ATG12: variants seen among roughly 807,000 people sequenced by gnomAD.
ATG12 encodes the protein ubiquitin-like protein ATG12.
Under a neutral mutation model 17.6 loss-of-function variants are expected in ATG12, and 19 were observed. The ratio of observed to expected loss-of-function variants is 1.08; its 90% confidence interval spans 0.75 to 1.58. ATG12 has a LOEUF of 1.58. Among genes scored for constraint, ATG12 ranks in the 40% most tolerant of loss-of-function variants. The pLI is 0.00. For synonymous variants in ATG12, 75 were observed against 62.4 expected (o/e 1.20, Z -0.95); for missense variants, 214 against 162.0 (o/e 1.32, Z -1.74).
rs979514765 is a variant in ATG12, at chr5:115,830,061, G to A, written c.*1743C>T. On this transcript the variant is annotated 3_prime_UTR_variant, in exon 4 of 4. Transcript: ENST00000509910. ...GAACCCGGGAGGTAGAGGTTGCAAT[G>A]AGCCAAGATTGTGCCATTACAGTCC... 1 of 145,994 alleles carries A rather than the reference G, an allele frequency of 6.8e-6. No homozygotes were observed. Among genetic ancestry groups the A allele is most frequent in the African/African-American group, 2.5e-5 (1 of 39,224 alleles). 9.0% of individuals were successfully genotyped at this position (145,994 alleles called of 1,614,324 possible).
In ATG12 at chr5:115,828,670, C is replaced by T. The variant is rs752453375; in HGVS notation, c.*3134G>A. The T allele has an allele frequency of 9.9e-5, 15 of 152,100 alleles. No homozygotes were observed. The highest frequency in any genetic ancestry group is 2.2e-4 in the Non-Finnish European group (15 of 67,982). 9.4% of individuals were successfully genotyped at this position (152,100 alleles called of 1,614,324 possible). A position where few individuals can be genotyped will look rare whatever the true frequency, so the allele number is the denominator to read the frequency against. On this transcript the variant is annotated 3_prime_UTR_variant, in exon 4 of 4. Transcript: ENST00000509910. ...CTGCTGTACAAAAACTTAAACTATA[C>T]AAAATTTCCTTTGTTTTTAGCTGTC...
intron 3 of ATG12, among the ~76,000 whole-genome samples, chr5:115,832,196 G>C (rs1428590708): frequency 2.0e-5 from 3 of 152,036 alleles, no homozygotes; most frequent in Non-Finnish European, 4.4e-5. Flanking sequence ...CTATTACAAT[G>C]ACTCTGTAAG....
rs74844425 is a variant in ATG12 at position 115,841,510 on chromosome 5, T to C, written c.43A>G (p.Ile15Val). 0.02 allele frequency: 31,664 copies of C among 1,612,336 alleles called. 351 individuals carry two copies. Among genetic ancestry groups the C allele is most frequent in the Middle Eastern group, 0.048 (291 of 6,036 alleles). The stretch of plus-strand genomic sequence containing the variant: ...GTAAGTCCTTCCCCTCCAGCAGCAA[T>C]TGAAGTAGGAAGCTGCAACACAGAC... The part of the protein sequence containing the change: ...PQSVLQLPTS[I>V]AAGGEGLTDV... The change falls in exon 1 of 4, where the codon ATT becomes GTT. Residue 15 changes from isoleucine to valine, a missense_variant. Coordinates refer to ENST00000509910, the MANE Select transcript of ATG12 (RefSeq NM_004707.4).
chr5:115,834,250 A>G (rs928605297), intron 2 of ATG12: 1 of 152,222 alleles, frequency 6.6e-6, no homozygotes, highest in South Asian at 2.1e-4. Flanking sequence ...AAGGCATTCA[A>G]TGTGATTTTG....
chr5:115,832,581 T>G (rs1471367631), intron 3 of ATG12, 21 bp downstream of exon 3: 6 of 1,384,428 alleles, frequency 4.3e-6, no homozygotes, highest in Non-Finnish European at 5.6e-6. Flanking sequence ...CTTTTTTTTT[T>G]TTTTTTTTTT....
chr5:115,837,109 T>G (rs944275861), intron 2 of ATG12, among the ~76,000 whole-genome samples: 1 of 152,226 alleles, frequency 6.6e-6, no homozygotes, highest in Non-Finnish European at 1.5e-5. Context: ...ATGCATACTT[T>G]CATGTGACTT....
chr5:115,832,501 C>T, intron 3 of ATG12, 101 bp downstream of exon 3: 1 of 1,212,560 alleles, frequency 8.2e-7, no homozygotes, highest in Non-Finnish European at 1.1e-6. Flanking sequence ...TGTGAATTAA[C>T]AATACTACAC....
At chr5:115,837,864 A>G (rs1474746235) in intron 1 of ATG12, 100 bp from the exon 2 acceptor site, 2 of 967,182 alleles carry the variant, frequency 2.1e-6, no homozygotes, top group Non-Finnish European at 2.9e-6. Flanking sequence ...ATCTACATCC[A>G]TCTTACGTAT....
chr5:115,841,229 G>A (rs1371789561), intron 1 of ATG12, 161 bp downstream of exon 1: 8 of 881,798 alleles, frequency 9.1e-6, no homozygotes, highest in African/African-American at 6.9e-5. Flanking sequence ...CAACTTAAAG[G>A]CCTTAAAAAT....
At position 115,841,456 on chromosome 5, in the gene ATG12, C is replaced by A; in HGVS notation, c.97G>T (p.Glu33Ter). 6.2e-7 allele frequency: 1 copy of A among 1,611,116 alleles called. No homozygotes were observed. Among genetic ancestry groups the A allele is most frequent in the Non-Finnish European group, 8.5e-7 (1 of 1,179,260 alleles). The part of the protein sequence containing the change: ...TDVSPETTTP[E>*]PPSSAAVSPG... Reference sequence around the variant, plus strand: ...GAAACTGCAGCGGAAGACGGGGGCTCCGGGGTGGTTGTTTCTGGGGAGACA... The same window carrying A: ...GAAACTGCAGCGGAAGACGGGGGCTACGGGGTGGTTGTTTCTGGGGAGACA... The change falls in exon 1 of 4, where the codon GAG becomes TAG. Residue 33 changes from glutamate (E) to a stop codon, truncating the protein, a stop_gained. Coordinates refer to ENST00000509910, the MANE Select transcript of ATG12 (RefSeq NM_004707.4). LOFTEE classifies it high-confidence loss of function.
At chr5:115,835,778 C>T (rs572923861) in intron 2 of ATG12, among the ~76,000 whole-genome samples, 4 of 152,304 alleles carry the variant, frequency 2.6e-5, no homozygotes, top group African/African-American at 9.6e-5. Context: ...CAGATGCCAA[C>T]CCTGTTTCTT....
chr5:115,831,422 TAA>T lies in ATG12; in HGVS notation c.*380_*381del. On this transcript the variant is annotated 3_prime_UTR_variant, in exon 4 of 4. Transcript: ENST00000509910. ...TAAACATAGAGATAAATGTAAACAT[TAA>T]AAAAAAAGGAACCCTTTAGTATATT... The T allele has an allele frequency of 4.7e-6, 1 of 211,430 alleles. No individual in the cohort carries two copies. Among genetic ancestry groups the T allele is most frequent in the African/African-American group, 2.4e-5 (1 of 42,224 alleles). 13.1% of individuals were successfully genotyped at this position (211,430 alleles called of 1,614,324 possible).
intron 2 of ATG12, among the ~76,000 whole-genome samples, chr5:115,836,677 A>AT (rs1487720428): frequency 6.6e-6 from 1 of 152,206 alleles, no homozygotes; most frequent in Non-Finnish European, 1.5e-5. Context: ...TTTATTTAAA[A>AT]AATACTTAGC....
At position 115,831,080 on chromosome 5, in the gene ATG12, G is replaced by A. The variant is rs893310745; in HGVS notation, c.*724C>T. The A allele has an allele frequency of 3.3e-5, 5 of 152,242 alleles. No homozygotes were observed. Among genetic ancestry groups the A allele is most frequent in the African/African-American group, 1.2e-4 (5 of 41,460 alleles). 9.4% of individuals were successfully genotyped at this position (152,242 alleles called of 1,614,324 possible). A position where few individuals can be genotyped will look rare whatever the true frequency, so the allele number is the denominator to read the frequency against. On this transcript the variant is annotated 3_prime_UTR_variant, in exon 4 of 4. Transcript: ENST00000509910. ...AATGACAGAGTAACACCACAGTTAT[G>A]TGATTGGGACTCAAGAATCCTTAAA...
At chr5:115,837,902 G>T in intron 1 of ATG12, 138 bp from the exon 2 acceptor site, 2 of 706,704 alleles carry the variant, frequency 2.8e-6, no homozygotes, top group Non-Finnish European at 4.2e-6. Flanking sequence ...TGTGAGAGAT[G>T]TAAAAATGTT....
intron 1 of ATG12, chr5:115,838,019 A>G (rs531232966): frequency 7.5e-5 from 25 of 333,288 alleles, no homozygotes; most frequent in Non-Finnish European, 1.1e-4. Context: ...GAGGAAATAC[A>G]AATGATCAAT....
At chr5:115,840,522 T>G in intron 1 of ATG12, 1 of 933,346 alleles carries the variant, frequency 1.1e-6, no homozygotes, top group Non-Finnish European at 1.4e-6. Context: ...GGTCTCGAAC[T>G]CTTGACCTCA....
intron 2 of ATG12, chr5:115,833,607 A>C (rs966543258): frequency 6.6e-6 from 1 of 152,130 alleles, no homozygotes; most frequent in Non-Finnish European, 1.5e-5. Flanking sequence ...GTCTGTTAGG[A>C]AAGACAAAAT....
Position 115,829,655 on chromosome 5 carries a change from T to C in ATG12, c.*2149A>G, listed in dbSNP as rs1760783559. 6.6e-6 allele frequency: 1 copy of C among 152,236 alleles called. No individual in the cohort carries two copies. Among genetic ancestry groups the C allele is most frequent in the African/African-American group, 2.4e-5 (1 of 41,470 alleles). The allele number at this position is 152,236 out of a possible 1,614,324, so 9.4% of individuals were successfully genotyped here. ...GAATGTTCAGTTTTTCCCCCAAGTT[T>C]AATCAGACTTGAGAGTTTAAATTAA... is the stretch of plus-strand genomic sequence containing the variant. On this transcript the variant is annotated 3_prime_UTR_variant, in exon 4 of 4. Transcript: ENST00000509910.
Sources: gnomAD v4.1 joint callset for allele counts (sites outside exome capture counted in the v4.1 genomes callset) on GRCh38, gnomAD v4.1.1 for gene constraint, MANE v1.5 for transcripts, NCBI Gene and HGNC (gene_info 2026-07-23, HGNC 2026-07-21) for gene names.